The following ADAMTSL1 variants were observed in gnomAD, a reference collection of about 807,000 sequenced individuals.
ADAMTSL1 encodes ADAMTS-like protein 1.
In ADAMTSL1, 126 loss-of-function variants were observed where a neutral mutation model predicts 201.8. That is an observed-to-expected ratio of 0.62 (90% CI 0.54 to 0.72). ADAMTSL1 has a LOEUF of 0.72. ADAMTSL1 is among the 30% of genes least tolerant of loss of function. The pLI, the probability that ADAMTSL1 is intolerant of heterozygous loss-of-function variation, is 0.00. For missense variants in ADAMTSL1, 2,679 were observed against 2,277.8 expected, an observed-to-expected ratio of 1.18 and a Z score of -3.59; for synonymous variants, 1,121 against 903.4, an observed-to-expected ratio of 1.24 and a Z score of -4.32.
chr9:18,038,441 CT>C (rs905583415), intron 1 of ADAMTSL1, among the ~76,000 whole-genome samples: 2 of 152,092 alleles, frequency 1.3e-5, no homozygotes, highest in African/African-American at 2.4e-5. Flanking sequence ...CAAGGAGAAA[CT>C]TTTTTTCACT....
At chr9:18,307,909 A>C (rs1833972001) in intron 2 of ADAMTSL1, among the ~76,000 whole-genome samples, 1 of 152,190 alleles carries the variant, frequency 6.6e-6, no homozygotes, top group African/African-American at 2.4e-5. Context: ...TCAGCACCAC[A>C]TAACATTTAT....
At chr9:17,959,897 A>G (rs1193125822) in intron 1 of ADAMTSL1, among the ~76,000 whole-genome samples, 1 of 152,130 alleles carries the variant, frequency 6.6e-6, no homozygotes, top group South Asian at 2.1e-4. Context: ...CCTTCCAACA[A>G]TGATTTGGGG....
At chr9:18,798,158 T>G (rs1397124202) in intron 20 of ADAMTSL1, among the ~76,000 whole-genome samples, 1 of 151,700 alleles carries the variant, frequency 6.6e-6, no homozygotes, top group Admixed American at 6.6e-5. Flanking sequence ...ATAAGGAAAG[T>G]ATGGACTTGT....
intron 1 of ADAMTSL1, among the ~76,000 whole-genome samples, chr9:18,105,081 T>C (rs972793702): frequency 2.6e-5 from 4 of 152,302 alleles, no homozygotes; most frequent in Middle Eastern, 3.4e-3. Flanking sequence ...AAGAGAGTAC[T>C]GTGAGTCAGA....
intron 3 of ADAMTSL1, among the ~76,000 whole-genome samples, chr9:18,543,279 G>A (rs1285128664): frequency 1.3e-5 from 2 of 151,952 alleles, no homozygotes; most frequent in African/African-American, 2.4e-5. Flanking sequence ...GCTGTTGCTA[G>A]AACAAAAGGA....
Position 18,853,918 on chromosome 9 carries a change from T to TGTGTGTGTGCGCGCGC in ADAMTSL1, c.4249+23942_4249+23943insTGTGTGTGCGCGCGCG, listed in dbSNP as rs139332733. Reference sequence around the variant, plus strand: ...GTGTGTGTGTGTGTGTGTGTGTGTGTGCGCGTGCATGCAAATAGTTGATTA... The same window carrying TGTGTGTGTGCGCGCGC: ...GTGTGTGTGTGTGTGTGTGTGTGTGTGTGTGTGTGCGCGCGCGCGCGTGCATGCAAATAGTTGATTA... On this transcript the variant is annotated intron_variant, in intron 23 of 28. Transcript: ENST00000380548. Among the ~76,000 whole-genome samples, 19 of 145,490 alleles carry TGTGTGTGTGCGCGCGC rather than the reference T, an allele frequency of 1.3e-4. No individual in the cohort carries two copies. The East Asian group carries it at 2.4e-3, about 18-fold the overall frequency.
intron 23 of ADAMTSL1, among the ~76,000 whole-genome samples, chr9:18,858,049 T>G (rs10811049): frequency 0.81 from 122,316 of 151,868 alleles, 49,495 homozygotes; most frequent in African/African-American, 0.9. Flanking sequence ...GTACCCAGAA[T>G]TTAAAAAAAA....
chr9:18,185,942 C>G (rs546353369), intron 2 of ADAMTSL1, among the ~76,000 whole-genome samples: 19 of 152,086 alleles, frequency 1.2e-4, no homozygotes, highest in African/African-American at 4.3e-4. Context: ...AAAATTTACT[C>G]TAGGATTAAA....
intron 1 of ADAMTSL1, among the ~76,000 whole-genome samples, chr9:17,908,759 A>G (rs184653770): frequency 1.2e-4 from 19 of 152,342 alleles, no homozygotes; most frequent in Admixed American, 3.9e-4. Flanking sequence ...CTCCCGGCCA[A>G]TGTGACTTGT....
At chr9:18,169,018 G>T (rs1827764726) in intron 2 of ADAMTSL1, among the ~76,000 whole-genome samples, 1 of 145,206 alleles carries the variant, frequency 6.9e-6, no homozygotes. Flanking sequence ...GTAGATTCTG[G>T]ATATTAGCCC....
intron 2 of ADAMTSL1, among the ~76,000 whole-genome samples, chr9:18,228,297 G>A (rs951131562): frequency 6.6e-6 from 1 of 152,290 alleles, no homozygotes; most frequent in African/African-American, 2.4e-5. Flanking sequence ...CTTGGGCACT[G>A]AAGGACCAGA....
chr9:18,327,039 A>G (rs1302155707), intron 2 of ADAMTSL1, among the ~76,000 whole-genome samples: 1 of 152,228 alleles, frequency 6.6e-6, no homozygotes, highest in Non-Finnish European at 1.5e-5. Flanking sequence ...GTAGGGAATG[A>G]TTATTTGGTT....
At chr9:18,739,453 A>G (rs953724602) in intron 15 of ADAMTSL1, among the ~76,000 whole-genome samples, 1 of 152,214 alleles carries the variant, frequency 6.6e-6, no homozygotes, top group Non-Finnish European at 1.5e-5. Flanking sequence ...AGTCCTAGCA[A>G]TAAATGAGAA....
intron 1 of ADAMTSL1, among the ~76,000 whole-genome samples, chr9:17,963,795 G>A (rs1262817429): frequency 6.6e-6 from 1 of 151,812 alleles, no homozygotes; most frequent in Non-Finnish European, 1.5e-5. Flanking sequence ...TGTTTTTGTT[G>A]AAAGATTCCC....
intron 1 of ADAMTSL1, among the ~76,000 whole-genome samples, chr9:18,477,549 C>T (rs1438263090): frequency 6.6e-6 from 1 of 152,104 alleles, no homozygotes; most frequent in Non-Finnish European, 1.5e-5. Flanking sequence ...CAGGAGACCG[C>T]GGCCTGTTCC....
Position 18,432,545 on chromosome 9 carries a change from C to T in ADAMTSL1, c.208-72284C>T, listed in dbSNP as rs1458673390. Among the ~76,000 whole-genome samples the T allele has an allele frequency of 2.0e-5, 3 of 152,066 alleles. No individual in the cohort carries two copies. In the East Asian group the frequency reaches 5.8e-4, roughly 29 times the overall value. ...TGTAGCTTACATTATTCTATCTTTCCCATAGCACATCACCAAAAATTATCA... is the reference window on the plus strand; with the variant it reads ...TGTAGCTTACATTATTCTATCTTTCTCATAGCACATCACCAAAAATTATCA... On this transcript the variant is annotated intron_variant, in intron 2 of 29. Coordinates refer to the ADAMTSL1 transcript ENST00000680146.
chr9:18,442,641 G>T (rs1189810564), intron 2 of ADAMTSL1, among the ~76,000 whole-genome samples: 5 of 152,196 alleles, frequency 3.3e-5, no homozygotes, highest in Non-Finnish European at 5.9e-5. Context: ...AGTCTCAGAT[G>T]ATATTGACTA....
intron 21 of ADAMTSL1, 83 bp from the exon 22 acceptor site, chr9:18,826,201 C>A: frequency 6.6e-7 from 1 of 1,509,772 alleles, no homozygotes; most frequent in Non-Finnish European, 9.0e-7. Context: ...AAGGGGGATT[C>A]AAGAAGCTAT....
intron 1 of ADAMTSL1, among the ~76,000 whole-genome samples, chr9:17,937,229 C>T (rs540753175): frequency 2.6e-4 from 40 of 152,200 alleles, no homozygotes; most frequent in African/African-American, 9.2e-4. Flanking sequence ...CAGCACATTG[C>T]GGTGGGCCCT....
Sources: gnomAD v4.1 joint callset for allele counts (sites outside exome capture counted in the v4.1 genomes callset) on GRCh38, gnomAD v4.1.1 for gene constraint, MANE v1.5 for transcripts, NCBI Gene and HGNC (gene_info 2026-07-23, HGNC 2026-07-21) for gene names.